NPAS3: variants seen among roughly 807,000 people sequenced by gnomAD.
The protein encoded by NPAS3 is neuronal PAS domain protein 3.
NPAS3 carries 14 observed loss-of-function variants against 73.1 expected under a neutral mutation model. The ratio of observed to expected loss-of-function variants is 0.19; its 90% CI spans 0.13 to 0.30. The LOEUF (loss-of-function observed/expected upper bound fraction) is 0.30. NPAS3 is among the 10% of genes least tolerant of loss of function. The probability of loss-of-function intolerance (pLI) is 1.00; values close to 1 mark genes in which losing one functional copy is unlikely to be tolerated. For missense variants in NPAS3, 1,096 were observed against 1,250.0 expected, an observed-to-expected ratio of 0.88 and a Z score of 1.86; for synonymous variants, 620 against 541.5, an observed-to-expected ratio of 1.14 and a Z score of -2.01.
rs150848532 is a variant in NPAS3, at chr14:33,182,621, T to A, written c.141-32561T>A. On this transcript the variant is annotated intron_variant, in intron 2 of 11. Transcript: ENST00000356141. Reference sequence around the variant, plus strand: ...CCTTTAAATTTGACTCTGTCAAGGGTGTGATTATTGTCAACATATTTTTTC... The same window carrying A: ...CCTTTAAATTTGACTCTGTCAAGGGAGTGATTATTGTCAACATATTTTTTC... Among the ~76,000 whole-genome samples, 70 of 152,286 alleles carry A rather than the reference T, an allele frequency of 4.6e-4. No individual in the cohort carries two copies. The East Asian group carries it at 0.013, about 28-fold the overall frequency.
chr14:32,952,423 A>G (rs936927975), intron 1 of NPAS3, among the ~76,000 whole-genome samples: 8 of 152,026 alleles, frequency 5.3e-5, no homozygotes, highest in African/African-American at 1.9e-4. Flanking sequence ...GGTGAACTTT[A>G]TTTGAATTTT....
At chr14:33,786,849 C>A (rs908780037) in intron 9 of NPAS3, among the ~76,000 whole-genome samples, 1 of 152,130 alleles carries the variant, frequency 6.6e-6, no homozygotes, top group African/African-American at 2.4e-5. Flanking sequence ...ATGCAATTAT[C>A]AAGACTGATG....
At chr14:33,454,171 C>A (rs1398455768) in intron 4 of NPAS3, among the ~76,000 whole-genome samples, 1 of 152,086 alleles carries the variant, frequency 6.6e-6, no homozygotes, top group Non-Finnish European at 1.5e-5. Flanking sequence ...ATGGATTGTT[C>A]TATGTTTTCT....
chr14:32,949,241 T>C (rs147925525), intron 1 of NPAS3, among the ~76,000 whole-genome samples: 37 of 152,210 alleles, frequency 2.4e-4, no homozygotes, highest in Non-Finnish European at 1.0e-4. Flanking sequence ...CAGAAGGTCA[T>C]CTAACAGATT....
At chr14:33,186,565 GT>G (rs1323539473) in intron 2 of NPAS3, among the ~76,000 whole-genome samples, 1 of 152,120 alleles carries the variant, frequency 6.6e-6, no homozygotes, top group Non-Finnish European at 1.5e-5. Context: ...AGTTCTGCCA[GT>G]TTCAATCTGA....
At chr14:33,560,058 C>A in intron 4 of NPAS3, 63 bp from the exon 5 acceptor site, 2 of 656,484 alleles carry the variant, frequency 3.0e-6, no homozygotes, top group South Asian at 2.0e-5. Context: ...AGTTGCCTTA[C>A]TAATTAAATC....
At chr14:33,532,927 A>T (rs2054106216) in intron 4 of NPAS3, among the ~76,000 whole-genome samples, 1 of 152,132 alleles carries the variant, frequency 6.6e-6, no homozygotes, top group Admixed American at 6.6e-5. Flanking sequence ...TTCAAAAATG[A>T]TACTGAGTTA....
intron 3 of NPAS3, among the ~76,000 whole-genome samples, chr14:33,334,605 T>A (rs17100680): frequency 0.12 from 18,435 of 152,202 alleles, 1,201 homozygotes; most frequent in Non-Finnish European, 0.14. Flanking sequence ...CCCAGGGACA[T>A]CTTTCACCTT....
Position 33,800,754 on chromosome 14 carries a change from C to A in NPAS3, c.2447C>A (p.Thr816Asn). 4 of 1,565,926 alleles carry A rather than the reference C, an allele frequency of 2.6e-6. No individual in the cohort carries two copies. The highest frequency in any genetic ancestry group is 2.6e-6 in the Non-Finnish European group (3 of 1,157,394). ...AGGGTGACCGGGACCCTGGCCGCCA[C>A]CAGCACGGCCGCGCAGAGGGTCTAC... The change falls in exon 12 of 12, where the codon ACC becomes AAC. Residue 816 changes from threonine (T) to asparagine (N), a missense_variant. This residue lies in a region of NPAS3 where 698 missense variants were observed against 676.7 expected (regional missense o/e 1.03). Coordinates refer to ENST00000356141, the Ensembl canonical transcript of NPAS3. This position sits in a 1 kb window ranked among gnomAD's most constrained non-coding sequence, Gnocchi z 6.5.
intron 3 of NPAS3, among the ~76,000 whole-genome samples, chr14:33,360,827 T>G (rs547565416): frequency 6.6e-6 from 1 of 152,282 alleles, no homozygotes; most frequent in East Asian, 1.9e-4. Context: ...AGGATTTCCC[T>G]CATGTACCCT....
At chr14:33,543,516 G>A (rs73269038) in intron 4 of NPAS3, among the ~76,000 whole-genome samples, 118 of 152,180 alleles carry the variant, frequency 7.8e-4, no homozygotes, top group African/African-American at 2.8e-3. Flanking sequence ...TATTTGGGGG[G>A]CATAGAAGAA....
intron 2 of NPAS3, among the ~76,000 whole-genome samples, chr14:33,158,181 C>T (rs1419468672): frequency 2.0e-5 from 3 of 152,168 alleles, no homozygotes; most frequent in Non-Finnish European, 4.4e-5. Flanking sequence ...GATTGTACCG[C>T]GAACTGTGGT....
intron 4 of NPAS3, among the ~76,000 whole-genome samples, chr14:33,482,699 C>T (rs10150715): frequency 1.3e-5 from 2 of 151,722 alleles, no homozygotes; most frequent in East Asian, 1.9e-4. Flanking sequence ...AAGAGACCAG[C>T]GAGGTCTGGT....
At chr14:33,150,505 T>A (rs1181339641) in intron 2 of NPAS3, among the ~76,000 whole-genome samples, 1 of 152,236 alleles carries the variant, frequency 6.6e-6, no homozygotes, top group Non-Finnish European at 1.5e-5. Context: ...ATCTGGGAAA[T>A]ATTTTGATAA....
At chr14:32,971,936 CTTTTT>C (rs66998179) in intron 1 of NPAS3, among the ~76,000 whole-genome samples, 1 of 112,952 alleles carries the variant, frequency 8.9e-6, no homozygotes, top group Non-Finnish European at 1.8e-5. Flanking sequence ...CAGTGGGACT[CTTTTT>C]TTTTTTTTTT....
intron 5 of NPAS3, among the ~76,000 whole-genome samples, chr14:33,619,503 A>C (rs2140088181): frequency 6.6e-6 from 1 of 152,296 alleles, no homozygotes; most frequent in African/African-American, 2.4e-5. Flanking sequence ...ACTATAAAGC[A>C]GTTTTCTTTT....
At chr14:33,462,522 T>C (rs972823047) in intron 4 of NPAS3, among the ~76,000 whole-genome samples, 2 of 152,180 alleles carry the variant, frequency 1.3e-5, no homozygotes, top group African/African-American at 4.8e-5. Context: ...CTGTTCTGTG[T>C]CCTGGGCCCT....
intron 5 of NPAS3, among the ~76,000 whole-genome samples, chr14:33,637,514 T>C (rs1299165279): frequency 6.6e-6 from 1 of 152,178 alleles, no homozygotes; most frequent in African/African-American, 2.4e-5. Flanking sequence ...AAAAAATAGA[T>C]TATACATCGT....
chr14:33,585,714 G>A (rs8016144), intron 5 of NPAS3, among the ~76,000 whole-genome samples: 1 of 152,054 alleles, frequency 6.6e-6, no homozygotes, highest in African/African-American at 2.4e-5. Flanking sequence ...GTTCCAAAGG[G>A]TTTACCTCCT....
Sources: gnomAD v4.1 joint callset for allele counts (sites outside exome capture counted in the v4.1 genomes callset) on GRCh38, gnomAD v4.1.1 for gene constraint, gnomAD v4.1.1 regional missense constraint, Gnocchi (gnomAD v3.1) non-coding constraint, MANE v1.5 for transcripts, NCBI Gene and HGNC (gene_info 2026-07-23, HGNC 2026-07-21) for gene names.